Variants in BDNF observed in about 807,000 individuals in gnomAD.
The protein encoded by BDNF is neurotrophic factor BDNF precursor form.
In BDNF, 1 loss-of-function variant was observed where a neutral mutation model predicts 19.5. The observed-to-expected ratio is 0.05, with a 90% confidence interval of 0.02 to 0.24. BDNF has a LOEUF of 0.24. BDNF is among the 10% of genes least tolerant of loss of function. The pLI, the probability that BDNF is intolerant of heterozygous loss-of-function variation, is 1.00. For missense variants in BDNF, 195 were observed against 317.6 expected (o/e 0.61, Z 2.93); for synonymous variants, 100 against 121.6 (o/e 0.82, Z 1.17).
intron 1 of BDNF, among the ~76,000 whole-genome samples, chr11:27,667,025 G>T (rs1002872658): frequency 2.6e-5 from 4 of 152,122 alleles, no homozygotes; most frequent in African/African-American, 9.7e-5. Flanking sequence ...GAGAGAAAGG[G>T]CAGGTTACCC....
chr11:27,695,514 C>T (rs992275663), intron 1 of BDNF, among the ~76,000 whole-genome samples: 5 of 152,036 alleles, frequency 3.3e-5, no homozygotes, highest in Non-Finnish European at 5.9e-5. Context: ...CCAAAGGAAC[C>T]AAGATGAAAG....
At chr11:27,688,422 C>T (rs1376357793) in intron 1 of BDNF, among the ~76,000 whole-genome samples, 1 of 152,196 alleles carries the variant, frequency 6.6e-6, no homozygotes, top group Non-Finnish European at 1.5e-5. Context: ...GTGAATGGTT[C>T]TGTCTCACTG....
chr11:27,689,190 T>C (rs568843024), intron 1 of BDNF, among the ~76,000 whole-genome samples: 1 of 152,286 alleles, frequency 6.6e-6, no homozygotes, highest in Non-Finnish European at 1.5e-5. Flanking sequence ...GGTTTCTTAC[T>C]TGAATACTGC....
chr11:27,671,819 A>T (rs1855433162), intron 1 of BDNF, among the ~76,000 whole-genome samples: 1 of 151,910 alleles, frequency 6.6e-6, no homozygotes, highest in Admixed American at 6.6e-5. Flanking sequence ...TACCCCACCC[A>T]CTCAATCAGA....
At chr11:27,688,785 G>A (rs1368849081) in intron 1 of BDNF, among the ~76,000 whole-genome samples, 1 of 152,148 alleles carries the variant, frequency 6.6e-6, no homozygotes, top group Non-Finnish European at 1.5e-5. Flanking sequence ...TACCTCAGTT[G>A]GAAATGCAGA....
intron 1 of BDNF, among the ~76,000 whole-genome samples, chr11:27,708,416 A>T (rs559614187): frequency 2.6e-5 from 4 of 152,260 alleles, no homozygotes; most frequent in Non-Finnish European, 5.9e-5. Flanking sequence ...AATCATGCTA[A>T]TCTACATGAT....
chr11:27,665,526 G>A (rs1284141333), intron 1 of BDNF: 3 of 152,356 alleles, frequency 2.0e-5, no homozygotes, highest in African/African-American at 7.2e-5. Context: ...GCCAAGGGAA[G>A]CCATGACTGA....
At chr11:27,661,406 G>A (rs1853420425) in intron 1 of BDNF, among the ~76,000 whole-genome samples, 1 of 152,174 alleles carries the variant, frequency 6.6e-6, no homozygotes, top group African/African-American at 2.4e-5. Flanking sequence ...TTCCTGCATA[G>A]CCTTCCAATC....
intron 1 of BDNF, among the ~76,000 whole-genome samples, chr11:27,714,221 T>A (rs987240213): frequency 1.3e-5 from 2 of 152,168 alleles, no homozygotes; most frequent in Non-Finnish European, 1.5e-5. Flanking sequence ...GCTGAGTTAG[T>A]TAAGGACAGA....
chr11:27,690,537 C>T (rs189745856), intron 1 of BDNF, among the ~76,000 whole-genome samples: 5 of 151,976 alleles, frequency 3.3e-5, no homozygotes, highest in African/African-American at 4.8e-5. Flanking sequence ...AACTGTGCTC[C>T]GATTATATCA....
chr11:27,684,611 G>C (rs1857249224), intron 1 of BDNF, among the ~76,000 whole-genome samples: 1 of 152,110 alleles, frequency 6.6e-6, no homozygotes, highest in African/African-American at 2.4e-5. Flanking sequence ...TAGCATGAAG[G>C]GCTGTTGAAT....
At chr11:27,699,695 A>G (rs1173647357) in intron 1 of BDNF, 16 of 1,399,772 alleles carry the variant, frequency 1.1e-5, no homozygotes, top group Non-Finnish European at 1.5e-5. Flanking sequence ...ATGCGGGCTG[A>G]AGGCGCAAGC....
At position 27,657,100 on chromosome 11, in the gene BDNF, A is replaced by G. The variant is rs1458519574; in HGVS notation, c.*721T>C. 2.0e-6 allele frequency: 2 copies of G among 985,580 alleles called. No individual in the cohort carries two copies. The highest frequency in any genetic ancestry group is 2.3e-4 in the East Asian group (2 of 8,810). The allele number at this position is 985,580 out of a possible 1,614,324, so 61.1% of individuals were successfully genotyped here. On this transcript the variant is annotated 3_prime_UTR_variant, in exon 2 of 2. Transcript: ENST00000356660. This position sits in a 1 kb window ranked among gnomAD's most constrained non-coding sequence, Gnocchi z 5.0. The stretch of plus-strand genomic sequence containing the variant: ...GAGCATTTTTTTGTTCAGTTGCCTT[A>G]ATTTTTATTCACTTTCTAGTCATCT...
chr11:27,700,249 C>A lies in BDNF; in HGVS notation c.-107G>T. ...CTGGCTCCAGCGCCCAGCCCCGGTC[C>A]CCGTCGCGGTGCTGCTCCCCGCCGG... On this transcript the variant is annotated 5_prime_UTR_variant, in exon 1 of 2. An upstream open reading frame in the 5' UTR gains an earlier in-frame stop. Coordinates refer to ENST00000356660, the MANE Select transcript of BDNF (RefSeq NM_001709.5). 1.0e-6 allele frequency: 1 copy of A among 985,584 alleles called. No homozygotes were observed. Among genetic ancestry groups the A allele is most frequent in the Non-Finnish European group, 1.2e-6 (1 of 830,128 alleles). The allele number at this position is 985,584 out of a possible 1,614,324, so 61.1% of individuals were successfully genotyped here.
At chr11:27,678,763 A>C (rs770596166) in intron 1 of BDNF, among the ~76,000 whole-genome samples, 2 of 152,152 alleles carry the variant, frequency 1.3e-5, no homozygotes, top group Non-Finnish European at 2.9e-5. Flanking sequence ...TTACCCCCAA[A>C]TGTAGAGACT....
chr11:27,686,401 A>T (rs1857490567), intron 1 of BDNF, among the ~76,000 whole-genome samples: 1 of 152,128 alleles, frequency 6.6e-6, no homozygotes, highest in Non-Finnish European at 1.5e-5. Flanking sequence ...ATTTATATTT[A>T]AGGTTAATAT....
At chr11:27,671,540 A>T (rs1323619108) in intron 1 of BDNF, among the ~76,000 whole-genome samples, 1 of 152,112 alleles carries the variant, frequency 6.6e-6, no homozygotes, top group African/African-American at 2.4e-5. Flanking sequence ...ATGCAACCTA[A>T]AGTCTCAAAC....
At chr11:27,667,837 G>T (rs548984550) in intron 1 of BDNF, among the ~76,000 whole-genome samples, 13 of 151,796 alleles carry the variant, frequency 8.6e-5, no homozygotes, top group African/African-American at 2.4e-4. Context: ...ATCACCCCAC[G>T]GTCAATATTA....
upstream of BDNF, among the ~76,000 whole-genome samples, chr11:27,702,164 A>G (rs998236872): frequency 6.6e-6 from 1 of 152,180 alleles, no homozygotes; most frequent in African/African-American, 2.4e-5. Context: ...TAGTTCAACC[A>G]ATTTGTGCAG....
Sources: gnomAD v4.1 joint callset for allele counts (sites outside exome capture counted in the v4.1 genomes callset) on GRCh38, gnomAD v4.1.1 for gene constraint, Gnocchi (gnomAD v3.1) non-coding constraint, MANE v1.5 for transcripts, NCBI Gene and HGNC (gene_info 2026-07-23, HGNC 2026-07-21) for gene names.